LRP4: variants seen among roughly 807,000 people sequenced by gnomAD.
LRP4 encodes low-density lipoprotein receptor-related protein 4.
A neutral mutation model predicts 220.3 loss-of-function variants in LRP4; 95 were observed. The ratio of observed to expected loss-of-function variants is 0.43; its 90% CI spans 0.37 to 0.51. The LOEUF (loss-of-function observed/expected upper bound fraction) is 0.51. Ranked by LOEUF, LRP4 falls within the 20% of genes least tolerant of loss-of-function variation. The pLI, the probability that LRP4 is intolerant of heterozygous loss-of-function variation, is 0.00. For missense variants in LRP4, 1,925 were observed against 2,567.0 expected (o/e 0.75, Z 5.40); for synonymous variants, 903 against 954.6 (o/e 0.95, Z 1.00).
In LRP4 at chr11:46,903,538, C is replaced by T. The variant is rs192896020; in HGVS notation, c.53-609G>A. ...AACCCCCTCCAAAAAAAAATGATGC[C>T]ACTCAGAGGTTTGGTGCTTTTGAAG... On this transcript the variant is annotated intron_variant, in intron 1 of 37. Coordinates refer to ENST00000378623, the MANE Select transcript of LRP4 (RefSeq NM_002334.4). Among the ~76,000 whole-genome samples, 519 of 152,136 alleles carry T rather than the reference C, an allele frequency of 3.4e-3. 3 individuals are homozygous for T. The highest frequency in any genetic ancestry group is 5.9e-3 in the Non-Finnish European group (399 of 67,994).
chr11:46,880,082 G>A (rs1941115859), intron 20 of LRP4, among the ~76,000 whole-genome samples: 1 of 152,144 alleles, frequency 6.6e-6, no homozygotes, highest in Non-Finnish European at 1.5e-5. Flanking sequence ...GCCAGTCTGG[G>A]CGACAGAGCA....
At chr11:46,888,548 CAAAAAAA>C (rs71042635) in intron 16 of LRP4, among the ~76,000 whole-genome samples, 7 of 31,314 alleles carry the variant, frequency 2.2e-4, no homozygotes, top group South Asian at 4.5e-3. Flanking sequence ...AAAACTGTCT[CAAAAAAA>C]AAAAAAAAAA....
At chr11:46,868,555 TC>T in intron 33 of LRP4, 44 bp downstream of exon 33, 1 of 1,409,008 alleles carries the variant, frequency 7.1e-7, no homozygotes. Flanking sequence ...TCTCAGCCCT[TC>T]CAGGGGCTCT....
rs560103351 is a variant in LRP4 at position 46,865,148 on chromosome 11, C to T, written c.5126G>A (p.Arg1709His). Reference protein sequence around the residue: ...ERDARLGLCARSNDAVPAAPG... With the variant: ...ERDARLGLCAHSNDAVPAAPG... ...AGCAGCAGGAACAGCGTCATTGGAA[C>T]GTGCACAGAGGCCCAGCCTGGCATC... Residue 1709 changes from arginine to histidine, a missense_variant, in exon 35 of 38, where the codon CGT (arginine) becomes CAT (histidine). Around this residue, in one of 3 missense-constraint regions of LRP4, gnomAD observed 1,244 missense variants for 1,624.9 expected, o/e 0.77. Transcript: ENST00000378623. 10 of 1,562,704 alleles carry T rather than the reference C, an allele frequency of 6.4e-6. 1 individual carries two copies. In the East Asian group the frequency reaches 9.5e-5, roughly 15 times the overall value.
At chr11:46,879,902 C>T (rs1271499986) in intron 20 of LRP4, among the ~76,000 whole-genome samples, 9 of 152,118 alleles carry the variant, frequency 5.9e-5, no homozygotes, top group Non-Finnish European at 1.2e-4. Context: ...GTCAGGAGTT[C>T]GAGACTAGCC....
In LRP4 at chr11:46,890,684, A is replaced by G. The variant is rs537251694; in HGVS notation, c.1698-190T>C. Among the ~76,000 whole-genome samples, 5 of 151,956 alleles carry G rather than the reference A, an allele frequency of 3.3e-5. No homozygotes were observed. The highest frequency in any genetic ancestry group is 7.4e-5 in the Non-Finnish European group (5 of 67,948). The stretch of plus-strand genomic sequence containing the variant: ...TGGAGGGCAGGTGAGATTACAGCTC[A>G]CTGCGGCCTCAATCTCCTGGGCTCA... On this transcript the variant is annotated intron_variant, in intron 13 of 37. Coordinates refer to ENST00000378623, the MANE Select transcript of LRP4 (RefSeq NM_002334.4). This position sits in a 1 kb window ranked among gnomAD's most constrained non-coding sequence, Gnocchi z 5.3.
At chr11:46,905,740 T>C (rs1440651445) in intron 1 of LRP4, among the ~76,000 whole-genome samples, 2 of 151,324 alleles carry the variant, frequency 1.3e-5, no homozygotes, top group African/African-American at 4.9e-5. Context: ...TAATCCCAGC[T>C]ACTTGGGAGG....
At position 46,918,214 on chromosome 11, in the gene LRP4, G is replaced by T. The variant is rs951105538; in HGVS notation, c.52+114C>A. ...CCCTGCACGCAGCCCCAGGGCCACG[G>T]CTAGGAGCGAGGGCGAGGGGTCTCA... On this transcript the variant is annotated intron_variant, in intron 1 of 37. Transcript: ENST00000378623. The surrounding 1 kb of genome is among the most constrained non-coding windows in gnomAD (Gnocchi z 6.0). 3.5e-5 allele frequency: 41 copies of T among 1,185,090 alleles called. No individual in the cohort carries two copies. The highest frequency in any genetic ancestry group is 5.4e-4 in the Middle Eastern group (2 of 3,680). The allele number at this position is 1,185,090 out of a possible 1,614,324, so 73.4% of individuals were successfully genotyped here. A position where few individuals can be genotyped will look rare whatever the true frequency, so the allele number is the denominator to read the frequency against.
At chr11:46,889,833 T>G in intron 15 of LRP4, 111 bp downstream of exon 15, 1 of 1,248,814 alleles carries the variant, frequency 8.0e-7, no homozygotes, top group Non-Finnish European at 1.2e-6. Context: ...CCCTGCTGGA[T>G]TTCCCCATCA....
At position 46,858,949 on chromosome 11, in the gene LRP4, A is replaced by G; in HGVS notation, c.*34T>C. On this transcript the variant is annotated 3_prime_UTR_variant, in exon 38 of 38. Coordinates refer to ENST00000378623, the MANE Select transcript of LRP4 (RefSeq NM_002334.4). ...AAGGACTAGACGTCCATAAAGGAGA[A>G]GGAACAGGCAGGCAGGGAAGAGAAT... 1.9e-6 allele frequency: 3 copies of G among 1,597,886 alleles called. No individual in the cohort carries two copies. The highest frequency in any genetic ancestry group is 1.7e-6 in the Non-Finnish European group (2 of 1,166,310).
intron 18 of LRP4, among the ~76,000 whole-genome samples, chr11:46,885,269 T>A (rs1941261978): frequency 6.6e-6 from 1 of 152,112 alleles, no homozygotes. Flanking sequence ...AGCGCTAGGA[T>A]TATAGGTGTG....
chr11:46,916,851 TGTG>T (rs1229219085), intron 1 of LRP4, among the ~76,000 whole-genome samples: 1 of 152,198 alleles, frequency 6.6e-6, no homozygotes, highest in Non-Finnish European at 1.5e-5. Flanking sequence ...AAGGGGCCCA[TGTG>T]GTGGGAAGAA....
Position 46,874,922 on chromosome 11 carries a change from C to T in LRP4, c.4107G>A (p.Leu1369=). The T allele has an allele frequency of 6.2e-7, 1 of 1,614,170 alleles. No individual in the cohort carries two copies. Among genetic ancestry groups the T allele is most frequent in the South Asian group, 1.1e-5 (1 of 91,074 alleles). ...SSRGSIRRIS[L]DTSDHTDVHV... is the part of the protein sequence containing the mutation. ...GCACATCGGTGTGGTCACTGGTGTC[C>T]AGTGAGATACGCCGGATGGAGCCAC... Residue 1369 remains leucine (L), a synonymous_variant, in exon 28 of 38, where the codon CTG becomes CTA. Coordinates refer to ENST00000378623, the MANE Select transcript of LRP4 (RefSeq NM_002334.4).
Position 46,899,093 on chromosome 11 carries a change from C to T in LRP4, c.548-61G>A. On this transcript the variant is annotated intron_variant, in intron 5 of 37. Transcript: ENST00000378623. This position sits in a 1 kb window ranked among gnomAD's most constrained non-coding sequence, Gnocchi z 5.9. ...TCAGGCCTGGATGAAGGAGAGGGGC[C>T]CTGATTCCTCAAGCAGGCAGGATGC... is the stretch of plus-strand genomic sequence containing the variant. 1 of 1,509,902 alleles carries T rather than the reference C, an allele frequency of 6.6e-7. No homozygotes were observed. Among genetic ancestry groups the T allele is most frequent in the Non-Finnish European group, 9.1e-7 (1 of 1,099,800 alleles). 93.5% of individuals were successfully genotyped at this position (1,509,902 alleles called of 1,614,324 possible). A position where few individuals can be genotyped will look rare whatever the true frequency, so the allele number is the denominator to read the frequency against.
At chr11:46,898,876 C>T (rs776341765) in intron 6 of LRP4, 28 bp downstream of exon 6, 1 of 1,613,648 alleles carries the variant, frequency 6.2e-7, no homozygotes, top group East Asian at 2.2e-5. Flanking sequence ...CCTGGCCTCC[C>T]CACCTCCCAG....
rs376476476 is a variant in LRP4 at position 46,873,608 on chromosome 11, A to C, written c.4230-15T>G. The C allele has an allele frequency of 4.4e-6, 7 of 1,606,172 alleles. No individual in the cohort carries two copies. Among genetic ancestry groups the C allele is most frequent in the Non-Finnish European group, 6.0e-6 (7 of 1,173,978 alleles). The stretch of plus-strand genomic sequence containing the variant: ...GGTCTGCTCGCCTTGGGGAGAGCCC[A>C]GTGTTGGATGAGCAACCAGACTGAC... On this transcript the variant is annotated splice_polypyrimidine_tract_variant and intron_variant, in intron 28 of 37. Coordinates refer to ENST00000378623, the MANE Select transcript of LRP4 (RefSeq NM_002334.4). This position sits in a 1 kb window ranked among gnomAD's most constrained non-coding sequence, Gnocchi z 4.2.
At chr11:46,911,072 G>A (rs1302522917) in intron 1 of LRP4, among the ~76,000 whole-genome samples, 1 of 152,142 alleles carries the variant, frequency 6.6e-6, no homozygotes, top group East Asian at 1.9e-4. Context: ...AAATGGATTA[G>A]CTTCCACTTT....
chr11:46,884,772 G>A (rs1313062463), intron 18 of LRP4, among the ~76,000 whole-genome samples: 1 of 148,746 alleles, frequency 6.7e-6, no homozygotes, highest in East Asian at 2.0e-4. Flanking sequence ...TTAGCTGGGT[G>A]TGGTAGTGCA....
chr11:46,859,144 T>C lies in LRP4; in HGVS notation c.5557A>G (p.Ser1853Gly), dbSNP rs779072150. 6.2e-7 allele frequency: 1 copy of C among 1,614,180 alleles called. No individual in the cohort carries two copies. The highest frequency in any genetic ancestry group is 8.5e-7 in the Non-Finnish European group (1 of 1,180,030). ...TCTGTGTCATCCAGGGAGCCAGAGCTGGCCTGGATGGACACCGTGTCTGTC... is the reference window on the plus strand; with the variant it reads ...TCTGTGTCATCCAGGGAGCCAGAGCCGGCCTGGATGGACACCGTGTCTGTC... ...MKTDTVSIQA[S>G]SGSLDDTETE... The change falls in exon 38 of 38, where the codon AGC becomes GGC. Residue 1853 changes from serine to glycine, a missense_variant. Around this residue, in one of 3 missense-constraint regions of LRP4, gnomAD observed 1,244 missense variants for 1,624.9 expected, o/e 0.77. Coordinates refer to ENST00000378623, the MANE Select transcript of LRP4 (RefSeq NM_002334.4).
Sources: gnomAD v4.1 joint callset for allele counts (sites outside exome capture counted in the v4.1 genomes callset) on GRCh38, gnomAD v4.1.1 for gene constraint, gnomAD v4.1.1 regional missense constraint, Gnocchi (gnomAD v3.1) non-coding constraint, MANE v1.5 for transcripts, NCBI Gene and HGNC (gene_info 2026-07-23, HGNC 2026-07-21) for gene names.